SHMT1: variants seen among roughly 807,000 people sequenced by gnomAD.
SHMT1 encodes the protein serine hydroxymethyltransferase 1, also known as serine hydroxymethyltransferase, cytosolic.
Under a neutral mutation model 49.0 loss-of-function variants are expected in SHMT1, and 45 were observed. The observed-to-expected ratio is 0.92, with a 90% CI of 0.72 to 1.18. SHMT1 has a LOEUF of 1.18. SHMT1 is among the 50% of genes most tolerant of loss of function. The pLI, the probability that SHMT1 is intolerant of heterozygous loss-of-function variation, is 0.00. For missense variants in SHMT1, 541 were observed against 612.4 expected (o/e 0.88, Z 1.23); for synonymous variants, 232 against 246.6 (o/e 0.94, Z 0.55).
rs78310975 is a variant in SHMT1 at position 18,328,418 on chromosome 17, A to C, written c.*332T>G. ...AGCCCAGGGAGAGTAAAACGCTACA[A>C]TCTTTCTAACAGCTTTGCCCTACAC... is the stretch of plus-strand genomic sequence containing the variant. On this transcript the variant is annotated 3_prime_UTR_variant, in exon 12 of 12. Transcript: ENST00000316694. 2.8e-6 allele frequency: 1 copy of C among 359,380 alleles called. No homozygotes were observed. The highest frequency in any genetic ancestry group is 5.3e-6 in the Non-Finnish European group (1 of 189,056). 22.3% of individuals were successfully genotyped at this position (359,380 alleles called of 1,614,324 possible). A position where few individuals can be genotyped will look rare whatever the true frequency, so the allele number is the denominator to read the frequency against.
intron 3 of SHMT1, among the ~76,000 whole-genome samples, chr17:18,352,362 G>A (rs1985810120): frequency 6.6e-6 from 1 of 152,018 alleles, no homozygotes; most frequent in African/African-American, 2.4e-5. Context: ...TAGCCAGGAT[G>A]GTCTCGATCT....
At chr17:18,335,098 G>A (rs1238085582) in intron 8 of SHMT1, among the ~76,000 whole-genome samples, 2 of 152,228 alleles carry the variant, frequency 1.3e-5, no homozygotes, top group Non-Finnish European at 2.9e-5. Context: ...GCAAGTCAAT[G>A]AGAACCTGCT....
chr17:18,328,629 C>A lies in SHMT1; in HGVS notation c.*121G>T. 1.8e-6 allele frequency: 2 copies of A among 1,126,002 alleles called. No homozygotes were observed. The highest frequency in any genetic ancestry group is 2.5e-6 in the Non-Finnish European group (2 of 788,504). The allele number at this position is 1,126,002 out of a possible 1,614,324, so 69.8% of individuals were successfully genotyped here. ...ATGAAAAAAGTCCAAAAGAAACCCC[C>A]TCAAAGGGCCCGAGTGTCAACAGTT... is the stretch of plus-strand genomic sequence containing the variant. On this transcript the variant is annotated 3_prime_UTR_variant, in exon 12 of 12. Transcript: ENST00000316694.
chr17:18,357,141 C>T (rs907717949), intron 1 of SHMT1, among the ~76,000 whole-genome samples: 4 of 151,708 alleles, frequency 2.6e-5, no homozygotes, highest in South Asian at 2.1e-4. Flanking sequence ...ATGAGCTGGA[C>T]GTTGTGGCAC....
chr17:18,337,718 C>T (rs1397969875), intron 7 of SHMT1, among the ~76,000 whole-genome samples: 1 of 152,122 alleles, frequency 6.6e-6, no homozygotes, highest in Non-Finnish European at 1.5e-5. Context: ...ATTGCAGGCA[C>T]GTGCCGCCAC....
chr17:18,361,665 A>G (rs1009540084), intron 1 of SHMT1, among the ~76,000 whole-genome samples: 5 of 151,942 alleles, frequency 3.3e-5, no homozygotes, highest in Non-Finnish European at 7.4e-5. Context: ...CGGCGCCTGT[A>G]GTCCCAGCTA....
At position 18,357,920 on chromosome 17, in the gene SHMT1, G is replaced by C. The variant is rs1459911735; in HGVS notation, c.-19-1920C>G. On this transcript the variant is annotated intron_variant, in intron 1 of 11. Coordinates refer to ENST00000316694, the MANE Select transcript of SHMT1 (RefSeq NM_004169.5). Reference sequence around the variant, plus strand: ...ACTCTGTCGCCCAGGCTGGAGTACAGTGGCGCGATCTCGGCTCACTGCAAG... The same window carrying C: ...ACTCTGTCGCCCAGGCTGGAGTACACTGGCGCGATCTCGGCTCACTGCAAG... Among the ~76,000 whole-genome samples, 3 of 143,380 alleles carry C rather than the reference G, an allele frequency of 2.1e-5. No individual in the cohort carries two copies. In the Admixed American group the frequency reaches 2.2e-4, roughly 10 times the overall value. 94.1% of individuals were successfully genotyped at this position (143,380 alleles called of 152,430 possible). A position where few individuals can be genotyped will look rare whatever the true frequency, so the allele number is the denominator to read the frequency against.
intron 4 of SHMT1, among the ~76,000 whole-genome samples, chr17:18,347,917 T>G (rs1197896925): frequency 2.7e-5 from 4 of 149,656 alleles, no homozygotes; most frequent in African/African-American, 7.4e-5. Flanking sequence ...TATGGCAGTT[T>G]TTTTTTTTTT....
chr17:18,334,869 G>C (rs1460446906), intron 8 of SHMT1, among the ~76,000 whole-genome samples: 1 of 152,138 alleles, frequency 6.6e-6, no homozygotes, highest in African/African-American at 2.4e-5. Context: ...ACACACCCGG[G>C]ACCCCAGCTC....
Position 18,340,686 on chromosome 17 carries a change from C to T in SHMT1, c.601+46G>A. ...CTTTCCATCCTCATTCTGTAAGAGG[C>T]ACCAGGCTACTGGTGAACAAGGTGA... On this transcript the variant is annotated intron_variant, in intron 6 of 11. Coordinates refer to ENST00000316694, the MANE Select transcript of SHMT1 (RefSeq NM_004169.5). This position sits in a 1 kb window ranked among gnomAD's most constrained non-coding sequence, Gnocchi z 4.5. 1 of 1,524,170 alleles carries T rather than the reference C, an allele frequency of 6.6e-7. No individual in the cohort carries two copies. Among genetic ancestry groups the T allele is most frequent in the African/African-American group, 1.4e-5 (1 of 73,012 alleles). The allele number at this position is 1,524,170 out of a possible 1,614,324, so 94.4% of individuals were successfully genotyped here.
At chr17:18,351,930 T>C (rs1170088333) in intron 3 of SHMT1, among the ~76,000 whole-genome samples, 1 of 152,116 alleles carries the variant, frequency 6.6e-6, no homozygotes, top group East Asian at 1.9e-4. Flanking sequence ...CTGCAGCCTT[T>C]GATCTCCTGG....
chr17:18,332,819 C>T lies in SHMT1; in HGVS notation c.1054+347G>A, dbSNP rs943676444. Reference sequence around the variant, plus strand: ...CCTGGCACAGTGCAAGGCATCACCACACAGTCCTGGTGCCACCTACCAGGT... The same window carrying T: ...CCTGGCACAGTGCAAGGCATCACCATACAGTCCTGGTGCCACCTACCAGGT... On this transcript the variant is annotated intron_variant, in intron 9 of 11. Transcript: ENST00000316694. The T allele has an allele frequency of 5.2e-4, 197 of 377,614 alleles. 1 individual carries two copies. The highest frequency in any genetic ancestry group is 5.5e-4 in the Admixed American group (15 of 27,436). 23.4% of individuals were successfully genotyped at this position (377,614 alleles called of 1,614,324 possible). A position where few individuals can be genotyped will look rare whatever the true frequency, so the allele number is the denominator to read the frequency against.
At chr17:18,330,116 G>A (rs1207186654) in intron 10 of SHMT1, among the ~76,000 whole-genome samples, 1 of 151,520 alleles carries the variant, frequency 6.6e-6, no homozygotes, top group African/African-American at 2.4e-5. Flanking sequence ...TGGGATTACA[G>A]GTGTGAACCA....
Position 18,328,719 on chromosome 17 carries a change from C to T in SHMT1, c.*31G>A, listed in dbSNP as rs1247353607. On this transcript the variant is annotated 3_prime_UTR_variant, in exon 12 of 12. Coordinates refer to ENST00000316694, the MANE Select transcript of SHMT1 (RefSeq NM_004169.5). ...CTCCGGCAGGCAGCTTCCTCTGTGG[C>T]GCCAGGTGGGTCCAGAGTGGGCCCG... 13 of 1,549,490 alleles carry T rather than the reference C, an allele frequency of 8.4e-6. No individual in the cohort carries two copies. The highest frequency in any genetic ancestry group is 2.0e-5 in the Admixed American group (1 of 51,148).
In SHMT1 at chr17:18,340,237, C is replaced by T. The variant is rs1016685768; in HGVS notation, c.620G>A (p.Arg207Gln). ...LIIAGTSCYS[R>Q]NLEYARLRKI... The stretch of plus-strand genomic sequence containing the variant: ...CCGTAGCCGGGCATATTCCAGGTTT[C>T]GGGAGTAGCAGCTGGTTCCTGAGAC... Residue 207 changes from arginine to glutamine, a missense_variant, in exon 7 of 12, where the codon CGA (arginine) becomes CAA (glutamine). Physicochemically the swap from Arg to Gln is conservative, Grantham distance 43. Transcript: ENST00000316694. The surrounding 1 kb of genome is among the most constrained non-coding windows in gnomAD (Gnocchi z 4.5). 8.7e-6 allele frequency: 14 copies of T among 1,613,970 alleles called. No homozygotes were observed. Among genetic ancestry groups the T allele is most frequent in the African/African-American group, 6.7e-5 (5 of 74,944 alleles).
chr17:18,352,260 C>T (rs1174013757), intron 3 of SHMT1, among the ~76,000 whole-genome samples: 1 of 151,202 alleles, frequency 6.6e-6, no homozygotes, highest in African/African-American at 2.4e-5. Context: ...CATTCTCCTG[C>T]ATCAGCCTCC....
chr17:18,330,788 A>AC, intron 9 of SHMT1, 117 bp from the exon 10 acceptor site: 1 of 734,916 alleles, frequency 1.4e-6, no homozygotes, highest in Admixed American at 2.0e-5. Flanking sequence ...GAAGGTGAGC[A>AC]CCCCCACCAC....
rs778865591 is a variant in SHMT1 at position 18,355,925 on chromosome 17, G to C, written c.57C>G (p.Asp19Glu). The C allele has an allele frequency of 1.2e-6, 2 of 1,614,076 alleles. No homozygotes were observed. The highest frequency in any genetic ancestry group is 1.7e-6 in the Non-Finnish European group (2 of 1,179,954). Residue 19 changes from aspartate to glutamate, a missense_variant, in exon 2 of 12, where the codon GAC becomes GAG. Transcript: ENST00000316694. The part of the protein sequence containing the change: ...HKDADLWSSH[D>E]KMLAQPLKDS... Reference sequence around the variant, plus strand: ...CTTTGAGGGGTTGTGCCAGCATCTTGTCATGTGAGGACCACAGGTCAGCAT... The same window carrying C: ...CTTTGAGGGGTTGTGCCAGCATCTTCTCATGTGAGGACCACAGGTCAGCAT...
chr17:18,332,931 G>C (rs1227826840), intron 9 of SHMT1: 1 of 590,606 alleles, frequency 1.7e-6, no homozygotes, highest in Non-Finnish European at 3.2e-6. Flanking sequence ...CCTTATGCTG[G>C]TGACCAATGG....
Sources: allele counts gnomAD v4.1 joint callset (sites outside exome capture counted in the v4.1 genomes callset), GRCh38; gene constraint gnomAD v4.1.1; non-coding constraint Gnocchi (gnomAD v3.1); transcripts MANE v1.5; gene names NCBI Gene and HGNC (gene_info 2026-07-23, HGNC 2026-07-21).